CSGALNACT1: variants seen among roughly 807,000 people sequenced by gnomAD.
CSGALNACT1 encodes the protein beta4GalNAcT-1.
CSGALNACT1 carries 52 observed loss-of-function variants against 51.0 expected under a neutral mutation model. The ratio of observed to expected loss-of-function variants is 1.02; its 90% confidence interval spans 0.82 to 1.29. The LOEUF (loss-of-function observed/expected upper bound fraction) is 1.29, where lower values mean the gene tolerates loss of function less well. CSGALNACT1 is among the 50% of genes most tolerant of loss of function. The pLI is 0.00. For synonymous variants in CSGALNACT1, 341 were observed against 254.4 expected (o/e 1.34, Z -3.24); for missense variants, 935 against 679.2 (o/e 1.38, Z -4.19).
At chr8:19,567,809 A>G (rs2042202279) in intron 3 of CSGALNACT1, among the ~76,000 whole-genome samples, 1 of 152,202 alleles carries the variant, frequency 6.6e-6, no homozygotes, top group African/African-American at 2.4e-5. Context: ...TGTTAGATGT[A>G]AAACACAATG....
chr8:19,605,088 C>T (rs1470622909), upstream of CSGALNACT1, among the ~76,000 whole-genome samples: 2 of 152,114 alleles, frequency 1.3e-5, no homozygotes. Flanking sequence ...CAAAAACTCA[C>T]ACTTTCTGAA....
At chr8:19,410,397 T>C (rs2153670511) in intron 8 of CSGALNACT1, among the ~76,000 whole-genome samples, 1 of 152,224 alleles carries the variant, frequency 6.6e-6, no homozygotes, top group East Asian at 1.9e-4. Context: ...ACCAGGTACA[T>C]GGTTTCCATT....
intron 3 of CSGALNACT1, among the ~76,000 whole-genome samples, chr8:19,543,007 C>G (rs2085591325): frequency 6.6e-6 from 1 of 152,126 alleles, no homozygotes; most frequent in Admixed American, 6.6e-5. Flanking sequence ...AACAGTAAGA[C>G]TCAATTTAAA....
chr8:19,636,224 C>T (rs142141595), intron 1 of CSGALNACT1, among the ~76,000 whole-genome samples: 1 of 152,248 alleles, frequency 6.6e-6, no homozygotes, highest in East Asian at 1.9e-4. Flanking sequence ...TTTCACGTAA[C>T]TTTTATTACA....
intron 1 of CSGALNACT1, among the ~76,000 whole-genome samples, chr8:19,703,964 T>C (rs2062018430): frequency 6.6e-6 from 1 of 152,158 alleles, no homozygotes; most frequent in African/African-American, 2.4e-5. Flanking sequence ...CTGAGAGCTG[T>C]CAGACCCTTG....
intron 7 of CSGALNACT1, among the ~76,000 whole-genome samples, chr8:19,419,073 T>C (rs897970966): frequency 6.6e-6 from 1 of 152,162 alleles, no homozygotes; most frequent in African/African-American, 2.4e-5. Flanking sequence ...CTCAAACTCC[T>C]GATCTCAAAT....
intron 1 of CSGALNACT1, among the ~76,000 whole-genome samples, chr8:19,668,703 C>T (rs749379796): frequency 2.0e-5 from 3 of 152,108 alleles, no homozygotes; most frequent in Non-Finnish European, 4.4e-5. Context: ...TAAAGGCGAG[C>T]GCCACCATGC....
At chr8:19,586,777 A>G (rs2154128852) in intron 3 of CSGALNACT1, among the ~76,000 whole-genome samples, 1 of 152,306 alleles carries the variant, frequency 6.6e-6, no homozygotes, top group Admixed American at 6.5e-5. Flanking sequence ...TGGAGAAGAA[A>G]ACTGGGAACC....
rs1586189230 is a variant in CSGALNACT1, at chr8:19,446,128, T to C, written c.852-6197A>G. Reference sequence around the variant, plus strand: ...AGCTAGAGGTTACAGTGAGCTGAGATGGTGCCAGTGCACTCCAGCCTGGGC... The same window carrying C: ...AGCTAGAGGTTACAGTGAGCTGAGACGGTGCCAGTGCACTCCAGCCTGGGC... On this transcript the variant is annotated intron_variant, in intron 5 of 9. Transcript: ENST00000454498. Among the ~76,000 whole-genome samples the C allele has an allele frequency of 2.6e-5, 4 of 152,192 alleles. No homozygotes were observed. In the East Asian group the frequency reaches 7.7e-4, roughly 29 times the overall value.
intron 1 of CSGALNACT1, among the ~76,000 whole-genome samples, chr8:19,639,332 G>A (rs1053660747): frequency 1.3e-5 from 2 of 152,134 alleles, no homozygotes; most frequent in Admixed American, 1.3e-4. Flanking sequence ...TGGGGTCTGG[G>A]GGAAATATGC....
At chr8:19,576,271 G>C (rs62494464) in intron 3 of CSGALNACT1, among the ~76,000 whole-genome samples, 14 of 152,114 alleles carry the variant, frequency 9.2e-5, no homozygotes, top group African/African-American at 3.4e-4. Context: ...TCTCAGCTCA[G>C]TGCAACCTCC....
intron 3 of CSGALNACT1, among the ~76,000 whole-genome samples, chr8:19,525,604 G>A (rs1028085152): frequency 1.0e-5 from 1 of 98,412 alleles, no homozygotes. Flanking sequence ...CTGACAGAGG[G>A]AAACTTGTCC....
chr8:19,656,946 G>C (rs533356195), intron 1 of CSGALNACT1, among the ~76,000 whole-genome samples: 124 of 151,648 alleles, frequency 8.2e-4, no homozygotes, highest in Non-Finnish European at 1.6e-3. Context: ...CATGCCTGTA[G>C]TCCCAGCTAT....
intron 1 of CSGALNACT1, among the ~76,000 whole-genome samples, chr8:19,654,696 CACACGCCCAGCTAA>C (rs1161793888): frequency 1.3e-5 from 2 of 151,846 alleles, no homozygotes; most frequent in Admixed American, 1.3e-4. Flanking sequence ...AGGCATGCAC[CACACGCCCAGCTAA>C]TTTTTTGTAT....
intron 2 of CSGALNACT1, among the ~76,000 whole-genome samples, chr8:19,599,779 C>G (rs986138637): frequency 6.6e-6 from 1 of 152,170 alleles, no homozygotes; most frequent in Admixed American, 6.5e-5. Context: ...CTTTTATAGA[C>G]TCAGGGCTTG....
chr8:19,651,913 C>T (rs1163384290), intron 1 of CSGALNACT1, among the ~76,000 whole-genome samples: 1 of 103,870 alleles, frequency 9.6e-6, no homozygotes, highest in Non-Finnish European at 2.2e-5. Flanking sequence ...ACCTCGCTGT[C>T]TGTTTTTTTT....
At chr8:19,445,101 T>C (rs1251526850) in intron 5 of CSGALNACT1, among the ~76,000 whole-genome samples, 1 of 152,166 alleles carries the variant, frequency 6.6e-6, no homozygotes, top group Non-Finnish European at 1.5e-5. Flanking sequence ...AGGCCTAGGA[T>C]GTAACGATAT....
intron 1 of CSGALNACT1, among the ~76,000 whole-genome samples, chr8:19,675,437 G>A (rs372728770): frequency 4.5e-4 from 68 of 152,292 alleles, no homozygotes; most frequent in African/African-American, 1.6e-3. Context: ...ATCAGAAAAT[G>A]AGTGGAACCA....
chr8:19,483,651 A>G (rs2072073544), intron 4 of CSGALNACT1, among the ~76,000 whole-genome samples: 1 of 152,190 alleles, frequency 6.6e-6, no homozygotes, highest in African/African-American at 2.4e-5. Context: ...CATGCCCCAT[A>G]CAACAATTAT....
Sources: gnomAD v4.1 joint callset for allele counts (sites outside exome capture counted in the v4.1 genomes callset) on GRCh38, gnomAD v4.1.1 for gene constraint, MANE v1.5 for transcripts, NCBI Gene and HGNC (gene_info 2026-07-23, HGNC 2026-07-21) for gene names.